The following USH2A variants were observed in gnomAD, a reference collection of about 807,000 sequenced individuals.
USH2A encodes the protein usherin, also known as Usher syndrome 2A (autosomal recessive, mild).
Under a neutral mutation model 538.9 loss-of-function variants are expected in USH2A, and 443 were observed. The observed-to-expected ratio is 0.82, with a 90% confidence interval of 0.76 to 0.89. USH2A has a LOEUF of 0.89. Among genes scored for constraint, USH2A ranks in the 40% least tolerant of loss-of-function variants. The probability of loss-of-function intolerance (pLI) is 0.00; values close to 1 mark genes in which losing one functional copy is unlikely to be tolerated. For synonymous variants in USH2A, 2,413 were observed against 2,273.5 expected, an observed-to-expected ratio of 1.06 and a Z score of -1.75; for missense variants, 6,633 against 6,324.8, an observed-to-expected ratio of 1.05 and a Z score of -1.65.
intron 25 of USH2A, among the ~76,000 whole-genome samples, chr1:216,083,798 T>G (rs974700471): frequency 2.0e-5 from 3 of 152,144 alleles, no homozygotes; most frequent in Non-Finnish European, 4.4e-5. Context: ...TATTATACTT[T>G]TTAACAGGAA....
intron 49 of USH2A, among the ~76,000 whole-genome samples, chr1:215,801,179 C>T (rs998639356): frequency 1.2e-4 from 19 of 152,114 alleles, no homozygotes; most frequent in African/African-American, 3.6e-4. Context: ...TACCTAATGT[C>T]ATACTCAACA....
At chr1:216,405,540 C>T (rs946777186) in intron 3 of USH2A, among the ~76,000 whole-genome samples, 4 of 152,004 alleles carry the variant, frequency 2.6e-5, no homozygotes, top group Non-Finnish European at 4.4e-5. Context: ...TAAATGTAGC[C>T]TTTATTTTAA....
At chr1:216,350,786 C>T (rs1169937918) in intron 4 of USH2A, among the ~76,000 whole-genome samples, 2 of 152,144 alleles carry the variant, frequency 1.3e-5, no homozygotes, top group Non-Finnish European at 2.9e-5. Context: ...GGCTACCATT[C>T]TGGGTTCTGG....
intron 61 of USH2A, among the ~76,000 whole-genome samples, chr1:215,724,153 T>C (rs1046750759): frequency 1.6e-4 from 25 of 151,900 alleles, no homozygotes; most frequent in African/African-American, 6.1e-4. Flanking sequence ...TTTCCATATT[T>C]ACTAAATAGG....
rs557837672 is a variant in USH2A, at chr1:216,055,744, A to G, written c.6050-7097T>C. 3.5e-4 allele frequency among the ~76,000 whole-genome samples: 53 copies of G among 152,376 alleles called. 1 individual carries two copies. Among genetic ancestry groups the G allele is most frequent in the Non-Finnish European group, 7.1e-4 (48 of 68,036 alleles). On this transcript the variant is annotated intron_variant, in intron 30 of 71. Transcript: ENST00000307340. Reference sequence around the variant, plus strand: ...TTGTTGTTTTTGGATAATATTTTCAATAAAAATAAGGACTTCTAATATTTA... The same window carrying G: ...TTGTTGTTTTTGGATAATATTTTCAGTAAAAATAAGGACTTCTAATATTTA...
At chr1:215,713,455 TA>T (rs1298088038) in intron 61 of USH2A, among the ~76,000 whole-genome samples, 1 of 152,030 alleles carries the variant, frequency 6.6e-6, no homozygotes, top group African/African-American at 2.4e-5. Flanking sequence ...ATTTTTTTTT[TA>T]AATCAGTTGT....
intron 14 of USH2A, among the ~76,000 whole-genome samples, chr1:216,222,731 C>A (rs2035480908): frequency 6.6e-6 from 1 of 152,200 alleles, no homozygotes; most frequent in Non-Finnish European, 1.5e-5. Context: ...GTAATCCCAG[C>A]ACTTTGGGAG....
chr1:216,372,205 T>C (rs1161420264), intron 3 of USH2A, among the ~76,000 whole-genome samples: 1 of 152,210 alleles, frequency 6.6e-6, no homozygotes, highest in Non-Finnish European at 1.5e-5. Context: ...CATACACAGG[T>C]ATGCCCCTCA....
chr1:216,166,195 A>T (rs1298149458), intron 21 of USH2A, among the ~76,000 whole-genome samples: 1 of 152,078 alleles, frequency 6.6e-6, no homozygotes, highest in Non-Finnish European at 1.5e-5. Flanking sequence ...TAACCCTTTC[A>T]TGATGAGTAG....
At chr1:216,110,322 G>T (rs964676737) in intron 21 of USH2A, among the ~76,000 whole-genome samples, 2 of 152,216 alleles carry the variant, frequency 1.3e-5, no homozygotes, top group African/African-American at 2.4e-5. Flanking sequence ...GTGACATAGT[G>T]AGACCCTGTC....
At chr1:215,697,260 GC>G (rs1197431896) in intron 61 of USH2A, among the ~76,000 whole-genome samples, 2 of 151,752 alleles carry the variant, frequency 1.3e-5, no homozygotes, top group African/African-American at 4.8e-5. Flanking sequence ...CACCTGGCCT[GC>G]CCCCTATTTT....
chr1:215,752,575 T>A (rs1485888616), intron 58 of USH2A, among the ~76,000 whole-genome samples: 1 of 152,204 alleles, frequency 6.6e-6, no homozygotes, highest in Non-Finnish European at 1.5e-5. Flanking sequence ...TCACGTCTAT[T>A]CCTTCTAGAA....
intron 4 of USH2A, among the ~76,000 whole-genome samples, chr1:216,351,630 A>G (rs868536099): frequency 6.6e-6 from 1 of 152,188 alleles, no homozygotes; most frequent in Admixed American, 6.6e-5. Flanking sequence ...TTGAGCAGAG[A>G]AGTAATATGC....
In USH2A at chr1:216,323,498, A is replaced by G; in HGVS notation, c.1526T>C (p.Val509Ala). The stretch of plus-strand genomic sequence containing the variant: ...CCTCCCACTAATGGTGATTTCGTCC[A>G]CTGCATAATATCTGTGTCTGAGGTT... ...AVNLRHRYYAVDEITISGRCQ... is the reference protein window; with the variant it reads ...AVNLRHRYYAADEITISGRCQ... Residue 509 changes from valine to alanine, a missense_variant, in exon 8 of 72, where the codon GTG becomes GCG. Val to Ala is a moderately conservative substitution (Grantham distance 64, BLOSUM62 0). Transcript: ENST00000307340. 3.7e-6 allele frequency: 6 copies of G among 1,613,490 alleles called. No individual in the cohort carries two copies. The highest frequency in any genetic ancestry group is 5.1e-6 in the Non-Finnish European group (6 of 1,179,688).
At position 215,993,185 on chromosome 1, in the gene USH2A, A is replaced by C. The variant is rs1481866236; in HGVS notation, c.6658-18T>G. The C allele has an allele frequency of 6.2e-7, 1 of 1,614,004 alleles. No individual in the cohort carries two copies. Among genetic ancestry groups the C allele is most frequent in the South Asian group, 1.1e-5 (1 of 91,080 alleles). ...GTGCAAGCCTAAACAGAGATGCAAA[A>C]ATGCTCATTTCACTCTTGGTCCCAA... On this transcript the variant is annotated intron_variant, in intron 34 of 71. Transcript: ENST00000307340.
intron 9 of USH2A, among the ~76,000 whole-genome samples, chr1:216,310,374 A>G (rs2037397982): frequency 6.6e-6 from 1 of 152,058 alleles, no homozygotes; most frequent in Non-Finnish European, 1.5e-5. Flanking sequence ...AACTAATCCA[A>G]GTATACTTTT....
rs1203714506 is a variant in USH2A at position 215,741,531 on chromosome 1, C to CA, written c.11554dup (p.Cys3852LeufsTer4). 6.2e-7 allele frequency: 1 copy of CA among 1,607,698 alleles called. No homozygotes were observed. Among genetic ancestry groups the CA allele is most frequent in the African/African-American group, 1.4e-5 (1 of 74,018 alleles). Reference sequence around the variant, plus strand: ...GACAAACATCCTACTGCTAACTCCACAACTTCCTTGAAAAAAAAAAAATTG... The same window carrying CA: ...GACAAACATCCTACTGCTAACTCCACAAACTTCCTTGAAAAAAAAAAAATTG... On this transcript the variant is annotated frameshift_variant, in exon 60 of 72. Transcript: ENST00000307340. LOFTEE classifies it high-confidence loss of function.
At chr1:216,362,176 C>A (rs1018668646) in intron 4 of USH2A, among the ~76,000 whole-genome samples, 3 of 151,982 alleles carry the variant, frequency 2.0e-5, no homozygotes, top group Non-Finnish European at 4.4e-5. Flanking sequence ...CCACAAAGTT[C>A]ATAAGCCATC....
At chr1:215,836,480 A>ATATATT (rs370092518) in intron 47 of USH2A, among the ~76,000 whole-genome samples, 8 of 8,442 alleles carry the variant, frequency 9.5e-4, no homozygotes, top group Admixed American at 3.9e-3. Flanking sequence ...ATATATATAT[A>ATATATT]ATATATATTA....
Sources: gnomAD v4.1 joint callset for allele counts (sites outside exome capture counted in the v4.1 genomes callset) on GRCh38, gnomAD v4.1.1 for gene constraint, MANE v1.5 for transcripts, NCBI Gene and HGNC (gene_info 2026-07-23, HGNC 2026-07-21) for gene names.